Variants in SLC12A7 observed in about 807,000 individuals in gnomAD.
SLC12A7 encodes the protein K-Cl cotransporter 4.
Under a neutral mutation model 120.6 loss-of-function variants are expected in SLC12A7, and 100 were observed. The observed-to-expected ratio is 0.83, with a 90% CI of 0.71 to 0.98. SLC12A7 has a LOEUF of 0.98. Ranked by LOEUF, SLC12A7 falls within the 50% of genes least tolerant of loss-of-function variation. SLC12A7 has a pLI of 0.00. For synonymous variants in SLC12A7, 760 were observed against 678.0 expected (o/e 1.12, Z -1.88); for missense variants, 1,373 against 1,548.1 (o/e 0.89, Z 1.90).
At chr5:1,150,603 A>G in the SLC12A7 span, among the ~76,000 whole-genome samples, 1 of 152,266 alleles carries the variant, frequency 6.6e-6, no homozygotes, top group African/African-American at 2.4e-5. Flanking sequence ...ACTAAATAGC[A>G]AAGAACAGAA....
At chr5:1,111,410 G>C (rs958728188) in intron 1 of SLC12A7, among the ~76,000 whole-genome samples, 2 of 152,150 alleles carry the variant, frequency 1.3e-5, no homozygotes, top group African/African-American at 2.4e-5. Context: ...GGGTCAGGCG[G>C]GGGCAGGACG....
the SLC12A7 span, among the ~76,000 whole-genome samples, chr5:1,134,469 TAAAA>T: frequency 6.8e-6 from 1 of 146,742 alleles, no homozygotes; most frequent in East Asian, 2.0e-4. Context: ...AAATTCTGTT[TAAAA>T]AAAAAAAATT....
chr5:1,096,480 GA>G (rs1365139079), intron 1 of SLC12A7, among the ~76,000 whole-genome samples: 2 of 151,948 alleles, frequency 1.3e-5, no homozygotes, highest in African/African-American at 4.8e-5. Flanking sequence ...GTCTTTCCAA[GA>G]TGAGTCCCAT....
chr5:1,078,127 G>A (rs1312803810), intron 11 of SLC12A7, 120 bp from the exon 12 acceptor site: 3 of 1,248,810 alleles, frequency 2.4e-6, no homozygotes, highest in Middle Eastern at 2.3e-4. Context: ...TTGGAAAGCT[G>A]AGGCCCGGCC....
At chr5:1,106,919 G>C (rs1178631663) in intron 1 of SLC12A7, among the ~76,000 whole-genome samples, 1 of 152,228 alleles carries the variant, frequency 6.6e-6, no homozygotes, top group Non-Finnish European at 1.5e-5. Context: ...ACGGGTGTGG[G>C]ACCAAGGACA....
the SLC12A7 span, among the ~76,000 whole-genome samples, chr5:1,134,726 G>C: frequency 3.5e-4 from 53 of 152,282 alleles, no homozygotes; most frequent in African/African-American, 1.1e-3. Context: ...CCCGTGATTA[G>C]AGCAGCACTA....
chr5:1,077,930 G>C lies in SLC12A7; in HGVS notation c.1532C>G (p.Ser511Cys), dbSNP rs764989927. The change falls in exon 12 of 24, where the codon TCC (serine) becomes TGC (cysteine). Residue 511 changes from serine (S) to cysteine (C), a missense_variant. Coordinates refer to ENST00000264930, the MANE Select transcript of SLC12A7 (RefSeq NM_006598.3). ...GCCGGCACCGCAGGTGGAGAAGAAG[G>C]AGCCGATGACGATGACCCAGGGGGA... is the stretch of plus-strand genomic sequence containing the variant. ...WPSPWVIVIGSFFSTCGAGLQ... is the reference protein window; with the variant it reads ...WPSPWVIVIGCFFSTCGAGLQ... The C allele has an allele frequency of 1.9e-6, 3 of 1,602,092 alleles. No individual in the cohort carries two copies. The highest frequency in any genetic ancestry group is 2.6e-6 in the Non-Finnish European group (3 of 1,174,974).
the SLC12A7 span, among the ~76,000 whole-genome samples, chr5:1,154,653 G>A: frequency 1.3e-5 from 2 of 152,236 alleles, no homozygotes; most frequent in South Asian, 4.1e-4. Context: ...GCCATCGCGT[G>A]TAAAGGCTGC....
chr5:1,067,946 G>A (rs1219606430), intron 17 of SLC12A7, among the ~76,000 whole-genome samples: 2 of 149,996 alleles, frequency 1.3e-5, no homozygotes, highest in East Asian at 2.0e-4. Context: ...CGCAGCAGTC[G>A]CAGAGGCCTC....
At chr5:1,058,839 G>A (rs1472574049) in intron 21 of SLC12A7, among the ~76,000 whole-genome samples, 3 of 152,108 alleles carry the variant, frequency 2.0e-5, no homozygotes, top group Admixed American at 6.5e-5. Flanking sequence ...GAGGGCCACC[G>A]TGTAAGTCAC....
intron 22 of SLC12A7, among the ~76,000 whole-genome samples, chr5:1,056,027 C>T (rs900099090): frequency 1.3e-4 from 20 of 152,204 alleles, no homozygotes; most frequent in Admixed American, 4.6e-4. Flanking sequence ...GGGACAGAGA[C>T]GGCATCGAGG....
At chr5:1,141,243 T>C in the SLC12A7 span, among the ~76,000 whole-genome samples, 1 of 152,222 alleles carries the variant, frequency 6.6e-6, no homozygotes, top group Non-Finnish European at 1.5e-5. Context: ...TTCCCCCTTT[T>C]AATAAGGACA....
chr5:1,087,814 A>G (rs962754475), intron 5 of SLC12A7, among the ~76,000 whole-genome samples: 2 of 150,634 alleles, frequency 1.3e-5, no homozygotes, highest in Admixed American at 7.1e-5. Context: ...AATTAACAGT[A>G]TCATCTCAGT....
At chr5:1,087,179 A>G (rs1385081623) in intron 5 of SLC12A7, 146 bp from the exon 6 acceptor site, 2 of 1,097,862 alleles carry the variant, frequency 1.8e-6, no homozygotes, top group African/African-American at 1.6e-5. Flanking sequence ...AAAGCAGCAC[A>G]TGGAGACGCT....
rs189805796 is a variant in SLC12A7, at chr5:1,067,563, T to C, written c.2242-2085A>G. 4.0e-3 allele frequency among the ~76,000 whole-genome samples: 615 copies of C among 152,290 alleles called. 5 individuals carry two copies. Among genetic ancestry groups the C allele is most frequent in the African/African-American group, 0.014 (573 of 41,570 alleles). On this transcript the variant is annotated intron_variant, in intron 17 of 23. Coordinates refer to ENST00000264930, the MANE Select transcript of SLC12A7 (RefSeq NM_006598.3). ...AAACGGCTGTTCAGGATCAGCCAAG[T>C]TTGGATGCAGCCACTGGAGGGGCCC...
chr5:1,114,732 G>A (rs556326355), upstream of SLC12A7, among the ~76,000 whole-genome samples: 95 of 152,206 alleles, frequency 6.2e-4, 1 homozygote, highest in South Asian at 3.5e-3. Context: ...GGACTGCTGG[G>A]ATCCGGGTCC....
At chr5:1,142,343 C>CCCTCTCTCCTCTCCCCTCTCT in the SLC12A7 span, among the ~76,000 whole-genome samples, 584 of 84,714 alleles carry the variant, frequency 6.9e-3, 19 homozygotes, top group African/African-American at 0.035. Context: ...CTCCCCTCTC[C>CCCTCTCTCCTCTCCCCTCTCT]CCTCTTCCCT....
chr5:1,076,880 G>T, intron 12 of SLC12A7, 68 bp from the exon 13 acceptor site: 2 of 1,094,764 alleles, frequency 1.8e-6, no homozygotes, highest in Non-Finnish European at 2.8e-6. Context: ...CTGCAGGCTG[G>T]TCAGGTCTAG....
chr5:1,134,327 G>A, the SLC12A7 span, among the ~76,000 whole-genome samples: 5 of 152,040 alleles, frequency 3.3e-5, no homozygotes, highest in Non-Finnish European at 7.4e-5. Flanking sequence ...AAAATCAGCC[G>A]GGTGTGGTGG....
Sources: gnomAD v4.1 joint callset for allele counts (sites outside exome capture counted in the v4.1 genomes callset) on GRCh38, gnomAD v4.1.1 for gene constraint, MANE v1.5 for transcripts, NCBI Gene and HGNC (gene_info 2026-07-23, HGNC 2026-07-21) for gene names.